Variants in PTPRQ observed in about 807,000 individuals in gnomAD.
PTPRQ encodes phosphatidylinositol phosphatase PTPRQ.
A neutral mutation model predicts 246.0 loss-of-function variants in PTPRQ; 199 were observed. The ratio of observed to expected loss-of-function variants is 0.81; its 90% CI spans 0.72 to 0.91. PTPRQ has a LOEUF of 0.91. Among genes scored for constraint, PTPRQ ranks in the 40% least tolerant of loss-of-function variants. PTPRQ has a pLI of 0.00. For missense variants in PTPRQ, 2,624 were observed against 2,528.4 expected, an observed-to-expected ratio of 1.04 and a Z score of -0.81; for synonymous variants, 869 against 853.2, an observed-to-expected ratio of 1.02 and a Z score of -0.32.
chr12:80,498,352 A>G (rs1375027007), intron 14 of PTPRQ, among the ~76,000 whole-genome samples: 1 of 152,072 alleles, frequency 6.6e-6, no homozygotes, highest in African/African-American at 2.4e-5. Context: ...ATCTTCACAG[A>G]AAACTAAGTC....
intron 13 of PTPRQ, 54 bp downstream of exon 13, chr12:80,496,160 C>A: frequency 6.5e-7 from 1 of 1,542,938 alleles, no homozygotes; most frequent in South Asian, 1.2e-5. Flanking sequence ...TGTAAATGCT[C>A]ACTGCCTTCA....
At chr12:80,492,261 C>A (rs190783403) in intron 9 of PTPRQ, among the ~76,000 whole-genome samples, 21 of 151,914 alleles carry the variant, frequency 1.4e-4, no homozygotes, top group Admixed American at 3.3e-4. Context: ...TTTCTAAAAA[C>A]CATGGACATT....
At chr12:80,491,343 A>AT (rs1486121110) in intron 9 of PTPRQ, among the ~76,000 whole-genome samples, 4 of 151,954 alleles carry the variant, frequency 2.6e-5, no homozygotes, top group East Asian at 1.9e-4. Context: ...TGGTTTGGGC[A>AT]TAAAGTATTG....
chr12:80,460,441 G>T (rs973958870), intron 5 of PTPRQ, among the ~76,000 whole-genome samples: 1 of 152,092 alleles, frequency 6.6e-6, no homozygotes, highest in Non-Finnish European at 1.5e-5. Flanking sequence ...ATTCGTAAAG[G>T]TTAAGGTATA....
intron 17 of PTPRQ, among the ~76,000 whole-genome samples, chr12:80,521,822 C>G (rs1668003845): frequency 1.3e-5 from 2 of 152,104 alleles, no homozygotes; most frequent in African/African-American, 4.8e-5. Flanking sequence ...ATTCTTTTGG[C>G]TTAGGATTGA....
At position 80,493,358 on chromosome 12, in the gene PTPRQ, G is replaced by A. The variant is rs373744641; in HGVS notation, c.1443G>A (p.Ser481=). The A allele has an allele frequency of 4.8e-4, 740 of 1,550,014 alleles. 4 individuals are homozygous for A. The highest frequency in any genetic ancestry group is 4.4e-3 in the South Asian group (373 of 83,964). ...TATATGAGGGTTCAGCAGAGATGTC[G>A]TCTGACCTTCACTCACTTGCTACAT... is the stretch of plus-strand genomic sequence containing the variant. ...VGLYEGSAEM[S]SDLHSLATFI... is the part of the protein sequence containing the mutation. The change falls in exon 10 of 45, where the codon TCG becomes TCA. Residue 481 remains serine, a synonymous_variant. Transcript: ENST00000644991.
chr12:80,509,544 T>C (rs1895063519), intron 16 of PTPRQ, among the ~76,000 whole-genome samples: 2 of 152,130 alleles, frequency 1.3e-5, no homozygotes. Flanking sequence ...TATTCCATTA[T>C]TCTAAGACAT....
Position 80,484,513 on chromosome 12 carries a change from C to G in PTPRQ, c.1267C>G (p.Pro423Ala). The G allele has an allele frequency of 6.4e-7, 1 of 1,551,146 alleles. No individual in the cohort carries two copies. The highest frequency in any genetic ancestry group is 2.4e-5 in the East Asian group (1 of 40,868). The change falls in exon 9 of 45, where the codon CCA (proline) becomes GCA (alanine). Residue 423 changes from proline (P) to alanine (A), a missense_variant. Physicochemically the swap from Pro to Ala is conservative, Grantham distance 27. Transcript: ENST00000644991. ...AATTACTTGGAAGAAACCACGACAACCAAATGGAATTATTAACCAATACCG... is the reference window on the plus strand; with the variant it reads ...AATTACTTGGAAGAAACCACGACAAGCAAATGGAATTATTAACCAATACCG... ...VRITWKKPRQ[P>A]NGIINQYRVK...
chr12:80,602,819 AC>A (rs1208437832), intron 26 of PTPRQ, among the ~76,000 whole-genome samples: 1 of 151,766 alleles, frequency 6.6e-6, no homozygotes, highest in Non-Finnish European at 1.5e-5. Context: ...ATTCACTTGA[AC>A]CAGATATACT....
intron 26 of PTPRQ, among the ~76,000 whole-genome samples, chr12:80,597,579 A>C (rs117228030): frequency 1.4e-4 from 22 of 152,140 alleles, no homozygotes; most frequent in Non-Finnish European, 2.6e-4. Flanking sequence ...CCTAGTCTTC[A>C]CAGAAGGAGT....
intron 6 of PTPRQ, chr12:80,462,507 G>C (rs1168588087): frequency 6.5e-6 from 1 of 153,826 alleles, no homozygotes; most frequent in Non-Finnish European, 1.4e-5. Context: ...GCTTTGAAGA[G>C]AGCAGTGGTT....
At chr12:80,542,962 G>T (rs1735981822) in intron 23 of PTPRQ, 81 bp downstream of exon 23, 3 of 944,352 alleles carry the variant, frequency 3.2e-6, no homozygotes, top group South Asian at 2.6e-5. Context: ...GGAGGAAAAT[G>T]GACTACTAAA....
At chr12:80,659,718 T>C (rs1900565353) in intron 39 of PTPRQ, among the ~76,000 whole-genome samples, 1 of 152,052 alleles carries the variant, frequency 6.6e-6, no homozygotes, top group South Asian at 2.1e-4. Flanking sequence ...AGCAATAAAC[T>C]AGGAAGCCTG....
intron 25 of PTPRQ, among the ~76,000 whole-genome samples, chr12:80,565,689 G>A (rs766857025): frequency 6.6e-6 from 1 of 152,062 alleles, no homozygotes; most frequent in Non-Finnish European, 1.5e-5. Flanking sequence ...TAGAATACAT[G>A]AATTTTAATA....
intron 33 of PTPRQ, among the ~76,000 whole-genome samples, chr12:80,624,498 C>T (rs567169123): frequency 1.1e-4 from 17 of 152,220 alleles, no homozygotes; most frequent in African/African-American, 3.4e-4. Context: ...TCATTTATAG[C>T]GAGTAAGACA....
intron 25 of PTPRQ, among the ~76,000 whole-genome samples, chr12:80,575,851 A>G (rs560004055): frequency 0.02 from 2,959 of 151,162 alleles, 100 homozygotes; most frequent in African/African-American, 0.067. Context: ...AAAAAAAAAA[A>G]AAAAAAGAAA....
chr12:80,539,548 AT>A (rs1441034313), intron 19 of PTPRQ, among the ~76,000 whole-genome samples: 1 of 151,958 alleles, frequency 6.6e-6, no homozygotes, highest in African/African-American at 2.4e-5. Flanking sequence ...ATTCTTTGCT[AT>A]TTTTTTGTAT....
intron 33 of PTPRQ, among the ~76,000 whole-genome samples, chr12:80,625,595 T>G (rs73351532): frequency 6.6e-6 from 1 of 152,040 alleles, no homozygotes; most frequent in Non-Finnish European, 1.5e-5. Context: ...ATCTTAAAAA[T>G]GTTTAAGTTT....
At chr12:80,656,221 A>C (rs1900429339) in intron 38 of PTPRQ, among the ~76,000 whole-genome samples, 1 of 152,192 alleles carries the variant, frequency 6.6e-6, no homozygotes, top group Non-Finnish European at 1.5e-5. Flanking sequence ...AGTAATTGTG[A>C]TTACTAACAA....
Sources: gnomAD v4.1 joint callset for allele counts (sites outside exome capture counted in the v4.1 genomes callset) on GRCh38, gnomAD v4.1.1 for gene constraint, MANE v1.5 for transcripts, NCBI Gene and HGNC (gene_info 2026-07-23, HGNC 2026-07-21) for gene names.